The following CEP192 variants were observed in gnomAD, a reference collection of about 807,000 sequenced individuals.
CEP192 encodes the protein centrosomal protein 192, also known as centrosomal protein of 192 kDa.
In CEP192, 151 loss-of-function variants were observed where a neutral mutation model predicts 271.8. That is an observed-to-expected ratio of 0.56 (90% CI 0.49 to 0.64). CEP192 has a LOEUF of 0.64. Among genes scored for constraint, CEP192 ranks in the 30% least tolerant of loss-of-function variants. CEP192 has a pLI of 0.00. For synonymous variants in CEP192, 995 were observed against 1,076.5 expected (o/e 0.92, Z 1.48); for missense variants, 2,910 against 3,020.5 (o/e 0.96, Z 0.86).
intron 28 of CEP192, among the ~76,000 whole-genome samples, chr18:13,072,207 G>A (rs1021273204): frequency 6.6e-6 from 1 of 152,206 alleles, no homozygotes; most frequent in African/African-American, 2.4e-5. Context: ...AATGAAGACA[G>A]CATTCACATA....
At chr18:12,998,984 C>A (rs1362055694) in intron 1 of CEP192, among the ~76,000 whole-genome samples, 3 of 152,088 alleles carry the variant, frequency 2.0e-5, no homozygotes, top group Non-Finnish European at 2.9e-5. Flanking sequence ...GAGATCCGGG[C>A]TAGATTTTTG....
chr18:13,090,993 G>C (rs1183542508), intron 33 of CEP192, among the ~76,000 whole-genome samples: 1 of 152,216 alleles, frequency 6.6e-6, no homozygotes, highest in African/African-American at 2.4e-5. Context: ...ATGGACACTG[G>C]ATGCAGAGGT....
intron 15 of CEP192, among the ~76,000 whole-genome samples, chr18:13,046,872 T>C (rs917683132): frequency 1.3e-5 from 2 of 151,564 alleles, no homozygotes; most frequent in Non-Finnish European, 2.9e-5. Context: ...ATAATGAATT[T>C]TGTTTGTTGT....
At chr18:13,020,147 T>C (rs1273952916) in intron 9 of CEP192, among the ~76,000 whole-genome samples, 1 of 152,164 alleles carries the variant, frequency 6.6e-6, no homozygotes, top group Non-Finnish European at 1.5e-5. Context: ...AGTTCAATAA[T>C]GTTAAGTACA....
At chr18:13,059,603 T>C (rs2144213243) in intron 21 of CEP192, among the ~76,000 whole-genome samples, 1 of 152,354 alleles carries the variant, frequency 6.6e-6, no homozygotes, top group South Asian at 2.1e-4. Context: ...AACATGCCAG[T>C]GGTTCATATT....
intron 44 of CEP192, among the ~76,000 whole-genome samples, chr18:13,122,670 G>C (rs1204352455): frequency 6.6e-6 from 1 of 152,220 alleles, no homozygotes; most frequent in Non-Finnish European, 1.5e-5. Context: ...GATGGGGCCT[G>C]CAGGGAGTTG....
intron 44 of CEP192, among the ~76,000 whole-genome samples, chr18:13,118,179 G>A (rs548985349): frequency 1.3e-4 from 20 of 152,282 alleles, no homozygotes; most frequent in Non-Finnish European, 2.8e-4. Flanking sequence ...GTTGAACCTC[G>A]AACTGGGTTG....
At chr18:13,065,220 A>G (rs889304457) in intron 21 of CEP192, among the ~76,000 whole-genome samples, 3 of 151,812 alleles carry the variant, frequency 2.0e-5, no homozygotes, top group Non-Finnish European at 4.4e-5. Context: ...AACAATACAT[A>G]TACCATGTTA....
chr18:13,039,011 A>T (rs1160187290), intron 13 of CEP192, among the ~76,000 whole-genome samples: 2 of 152,270 alleles, frequency 1.3e-5, no homozygotes, highest in African/African-American at 2.4e-5. Context: ...TTTTGATTTA[A>T]TTAAATGTAA....
At chr18:13,043,649 TAACCACC>T (rs1309052937) in intron 15 of CEP192, among the ~76,000 whole-genome samples, 1 of 152,228 alleles carries the variant, frequency 6.6e-6, no homozygotes, top group Non-Finnish European at 1.5e-5. Context: ...CACCAACCAC[TAACCACC>T]AACAACCCTG....
chr18:13,016,575 CT>C (rs934492906), intron 6 of CEP192, among the ~76,000 whole-genome samples: 2 of 152,102 alleles, frequency 1.3e-5, no homozygotes, highest in Admixed American at 1.3e-4. Context: ...TCTTTGATTG[CT>C]TTAGTATGCT....
rs1337183263 is a variant in CEP192, at chr18:13,089,442, A to T, written c.5994-14A>T. ...CGTCACTTTTAAATAATAAAAAAAA[A>T]TCTCTCCTGGCAGGGCCCTGTTACA... is the stretch of plus-strand genomic sequence containing the variant. On this transcript the variant is annotated splice_polypyrimidine_tract_variant and intron_variant, in intron 32 of 44. Coordinates refer to ENST00000506447, the MANE Select transcript of CEP192 (RefSeq NM_032142.4). 7.5e-7 allele frequency: 1 copy of T among 1,338,168 alleles called. No homozygotes were observed. Among genetic ancestry groups the T allele is most frequent in the Non-Finnish European group, 1.0e-6 (1 of 964,626 alleles). 82.9% of individuals were successfully genotyped at this position (1,338,168 alleles called of 1,614,324 possible).
chr18:13,098,907 C>G (rs536329545), intron 36 of CEP192, among the ~76,000 whole-genome samples: 6 of 152,296 alleles, frequency 3.9e-5, no homozygotes, highest in African/African-American at 7.2e-5. Context: ...ACTGAGTGAA[C>G]GAGACTCCGT....
intron 38 of CEP192, among the ~76,000 whole-genome samples, chr18:13,101,088 G>C (rs2039681752): frequency 6.6e-6 from 1 of 152,216 alleles, no homozygotes; most frequent in Admixed American, 6.5e-5. Flanking sequence ...CCTTGCCCTG[G>C]GTAGCGAGCG....
chr18:13,029,875 A>C lies in CEP192; in HGVS notation c.1263A>C (p.Glu421Asp), dbSNP rs1255719280. 3.2e-6 allele frequency: 5 copies of C among 1,551,724 alleles called. No individual in the cohort carries two copies. The highest frequency in any genetic ancestry group is 4.4e-6 in the Non-Finnish European group (5 of 1,146,980). The change falls in exon 10 of 45, where the codon GAA becomes GAC. Residue 421 changes from glutamate (E) to aspartate (D), a missense_variant. By Grantham distance (45) the Glu-to-Asp change is conservative. Coordinates refer to ENST00000506447, the MANE Select transcript of CEP192 (RefSeq NM_032142.4). ...AGACTCCTACGGTGTCCATTCAAGA[A>C]AATGTGGATGTAGCCTCTTTGAAGC... ...DTETPTVSIQ[E>D]NVDVASLKPI...
chr18:13,018,427 A>G (rs1367599570), intron 7 of CEP192, 53 bp from the exon 8 acceptor site: 1 of 1,207,512 alleles, frequency 8.3e-7, no homozygotes, highest in Non-Finnish European at 1.1e-6. Context: ...TCTCCCTCAA[A>G]ATATTTCATT....
intron 3 of CEP192, among the ~76,000 whole-genome samples, chr18:13,006,350 C>T (rs1451876250): frequency 1.3e-5 from 2 of 151,828 alleles, no homozygotes; most frequent in African/African-American, 4.8e-5. Context: ...TGTGGTTCCA[C>T]TTATAAGCAG....
At chr18:13,099,988 T>C (rs2039630243) in intron 37 of CEP192, among the ~76,000 whole-genome samples, 2 of 152,232 alleles carry the variant, frequency 1.3e-5, no homozygotes, top group Admixed American at 1.3e-4. Flanking sequence ...TTATCTGTAT[T>C]CTGAGGCCAA....
At chr18:13,043,607 TG>T (rs1474245358) in intron 15 of CEP192, among the ~76,000 whole-genome samples, 8 of 152,344 alleles carry the variant, frequency 5.3e-5, no homozygotes, top group African/African-American at 1.9e-4. Flanking sequence ...TATTTCCATG[TG>T]TGCTTTACAG....
Sources: gnomAD v4.1 joint callset for allele counts (sites outside exome capture counted in the v4.1 genomes callset) on GRCh38, gnomAD v4.1.1 for gene constraint, MANE v1.5 for transcripts, NCBI Gene and HGNC (gene_info 2026-07-23, HGNC 2026-07-21) for gene names.